Variants in NOS1AP observed in about 807,000 individuals in gnomAD.
NOS1AP encodes the protein nitric oxide synthase 1 adaptor protein.
In NOS1AP, 21 loss-of-function variants were observed where a neutral mutation model predicts 56.2. That is an observed-to-expected ratio of 0.37 (90% CI 0.26 to 0.54). The LOEUF is 0.54. NOS1AP is among the 20% of genes least tolerant of loss of function. The pLI, the probability that NOS1AP is intolerant of heterozygous loss-of-function variation, is 0.84. For missense variants in NOS1AP, 522 were observed against 657.8 expected (o/e 0.79, Z 2.26); for synonymous variants, 270 against 274.6 (o/e 0.98, Z 0.17).
chr1:162,211,439 T>A (rs1557834314), intron 2 of NOS1AP, among the ~76,000 whole-genome samples: 1 of 152,234 alleles, frequency 6.6e-6, no homozygotes, highest in Non-Finnish European at 1.5e-5. Context: ...ACTCTACCTT[T>A]GTAACCTCAT....
chr1:162,287,018 G>A (rs138963620), intron 2 of NOS1AP, among the ~76,000 whole-genome samples: 32 of 152,294 alleles, frequency 2.1e-4, no homozygotes, highest in African/African-American at 6.3e-4. Flanking sequence ...TTGCCTGACC[G>A]TGGAAGTCAT....
intron 1 of NOS1AP, among the ~76,000 whole-genome samples, chr1:162,107,464 G>C (rs560858804): frequency 6.6e-6 from 1 of 152,266 alleles, no homozygotes; most frequent in African/African-American, 2.4e-5. Flanking sequence ...CTTCTTAGTA[G>C]CTAGGACTAT....
rs1691932241 is a variant in NOS1AP, at chr1:162,083,304, G to T, written c.105+13022G>T. Among the ~76,000 whole-genome samples the T allele has an allele frequency of 2.0e-5, 3 of 152,194 alleles. No homozygotes were observed. In the South Asian group the frequency reaches 6.2e-4, roughly 31 times the overall value. ...CATTTTATTGTTCTGCGGAGAGGAA[G>T]ATTCATGTCTCCTGTGGGCCAAGTG... On this transcript the variant is annotated intron_variant, in intron 1 of 9. Transcript: ENST00000361897.
At chr1:162,151,934 G>A (rs997367363) in intron 1 of NOS1AP, among the ~76,000 whole-genome samples, 1 of 152,102 alleles carries the variant, frequency 6.6e-6, no homozygotes, top group East Asian at 1.9e-4. Context: ...ATACCAGCTG[G>A]GGTAGTGGCT....
At chr1:162,204,026 C>T (rs1257373714) in intron 2 of NOS1AP, among the ~76,000 whole-genome samples, 1 of 152,246 alleles carries the variant, frequency 6.6e-6, no homozygotes, top group African/African-American at 2.4e-5. Flanking sequence ...TGTCCTCACA[C>T]CCATCCTCCA....
chr1:162,325,752 T>C (rs2101786616), intron 4 of NOS1AP, among the ~76,000 whole-genome samples: 1 of 152,204 alleles, frequency 6.6e-6, no homozygotes, highest in South Asian at 2.1e-4. Context: ...CTTGATTTTG[T>C]CTCCACCATC....
intron 2 of NOS1AP, among the ~76,000 whole-genome samples, chr1:162,234,092 A>G (rs1378725104): frequency 6.6e-6 from 1 of 152,236 alleles, no homozygotes; most frequent in Non-Finnish European, 1.5e-5. Flanking sequence ...AGGACTGCAA[A>G]CACAGGCAGA....
chr1:162,084,644 C>T (rs907716570), intron 1 of NOS1AP, among the ~76,000 whole-genome samples: 5 of 152,022 alleles, frequency 3.3e-5, no homozygotes, highest in Admixed American at 1.3e-4. Context: ...TTTCCCCACT[C>T]GGTTGGTGAG....
At chr1:162,115,504 G>T (rs1461860865) in intron 1 of NOS1AP, among the ~76,000 whole-genome samples, 1 of 152,052 alleles carries the variant, frequency 6.6e-6, no homozygotes, top group Non-Finnish European at 1.5e-5. Flanking sequence ...AAGAGGAATT[G>T]TCTAGAAATG....
At chr1:162,154,340 A>G in intron 1 of NOS1AP, 65 bp from the exon 2 acceptor site, 1 of 1,474,104 alleles carries the variant, frequency 6.8e-7, no homozygotes, top group Non-Finnish European at 9.5e-7. Context: ...TACCCTTTGG[A>G]ACTTTCTGGG....
intron 1 of NOS1AP, among the ~76,000 whole-genome samples, chr1:162,153,696 C>A (rs960913042): frequency 3.3e-5 from 5 of 152,176 alleles, no homozygotes; most frequent in Non-Finnish European, 7.3e-5. Flanking sequence ...CAAATTCCCT[C>A]CTGTCTGTGA....
chr1:162,300,781 CT>C, intron 4 of NOS1AP, 75 bp downstream of exon 4: 1 of 1,315,464 alleles, frequency 7.6e-7, no homozygotes, highest in Non-Finnish European at 1.1e-6. Flanking sequence ...ACCTGTCAGG[CT>C]GGTGGATCCA....
At chr1:162,180,239 ATTTAT>A (rs1651205539) in intron 2 of NOS1AP, among the ~76,000 whole-genome samples, 1 of 151,594 alleles carries the variant, frequency 6.6e-6, no homozygotes, top group Non-Finnish European at 1.5e-5. Flanking sequence ...ATTTTTATTT[ATTTAT>A]TTTATTTATT....
At chr1:162,229,189 C>T (rs542687523) in intron 2 of NOS1AP, among the ~76,000 whole-genome samples, 7 of 152,000 alleles carry the variant, frequency 4.6e-5, no homozygotes, top group Non-Finnish European at 1.0e-4. Flanking sequence ...GGCTGTGGCT[C>T]GGGAAGGAGG....
chr1:162,311,668 G>T (rs1656034818), intron 4 of NOS1AP, among the ~76,000 whole-genome samples: 1 of 148,658 alleles, frequency 6.7e-6, no homozygotes, highest in Non-Finnish European at 1.5e-5. Flanking sequence ...TGCCATGCTG[G>T]TGCGCTGCAC....
intron 2 of NOS1AP, among the ~76,000 whole-genome samples, chr1:162,283,667 A>T (rs1655004540): frequency 6.6e-6 from 1 of 152,094 alleles, no homozygotes; most frequent in Non-Finnish European, 1.5e-5. Flanking sequence ...TTCCAAGGCC[A>T]CTATTCCAAA....
At chr1:162,118,206 G>A (rs879469999) in intron 1 of NOS1AP, among the ~76,000 whole-genome samples, 1 of 152,078 alleles carries the variant, frequency 6.6e-6, no homozygotes, top group Non-Finnish European at 1.5e-5. Context: ...TCACCCAAGC[G>A]GTAAACACAG....
intron 1 of NOS1AP, among the ~76,000 whole-genome samples, chr1:162,091,949 G>T (rs911579497): frequency 6.6e-6 from 1 of 152,130 alleles, no homozygotes; most frequent in Non-Finnish European, 1.5e-5. Flanking sequence ...ATAGAATCAC[G>T]GAGTGCTGGA....
At chr1:162,290,802 G>A (rs1655262957) in intron 3 of NOS1AP, among the ~76,000 whole-genome samples, 1 of 152,170 alleles carries the variant, frequency 6.6e-6, no homozygotes, top group Admixed American at 6.5e-5. Context: ...CCCCAGATGA[G>A]AAGACCTGGG....
Sources: allele counts gnomAD v4.1 joint callset (sites outside exome capture counted in the v4.1 genomes callset), GRCh38; gene constraint gnomAD v4.1.1; transcripts MANE v1.5; gene names NCBI Gene and HGNC (gene_info 2026-07-23, HGNC 2026-07-21).